The following WDFY4 variants were observed in gnomAD, a reference collection of about 807,000 sequenced individuals.
WDFY4 encodes WDFY family member 4.
A neutral mutation model predicts 351.9 loss-of-function variants in WDFY4; 169 were observed. The ratio of observed to expected loss-of-function variants is 0.48; its 90% CI spans 0.42 to 0.55. WDFY4 has a LOEUF of 0.55. WDFY4 is among the 20% of genes least tolerant of loss of function. The pLI, the probability that WDFY4 is intolerant of heterozygous loss-of-function variation, is 0.00. For missense variants in WDFY4, 3,803 were observed against 3,935.6 expected, an observed-to-expected ratio of 0.97 and a Z score of 0.90; for synonymous variants, 1,622 against 1,574.6, an observed-to-expected ratio of 1.03 and a Z score of -0.71.
chr10:48,941,493 G>A (rs929830257), intron 47 of WDFY4, among the ~76,000 whole-genome samples: 2 of 152,202 alleles, frequency 1.3e-5, no homozygotes, highest in Non-Finnish European at 2.9e-5. Context: ...GGGGAATTCT[G>A]TGTGGGTTGT....
intron 39 of WDFY4, among the ~76,000 whole-genome samples, chr10:48,863,018 A>G (rs962174855): frequency 2.0e-5 from 3 of 152,098 alleles, no homozygotes; most frequent in Non-Finnish European, 2.9e-5. Flanking sequence ...ATGTTATAAC[A>G]TGTGTCAATA....
At chr10:48,816,672 G>A (rs1459590928) in intron 31 of WDFY4, among the ~76,000 whole-genome samples, 1 of 152,110 alleles carries the variant, frequency 6.6e-6, no homozygotes, top group Non-Finnish European at 1.5e-5. Context: ...CAAACAAAAG[G>A]AATCACATGC....
At chr10:48,913,052 G>C (rs1370761612) in intron 47 of WDFY4, among the ~76,000 whole-genome samples, 1 of 152,334 alleles carries the variant, frequency 6.6e-6, no homozygotes, top group East Asian at 1.9e-4. Flanking sequence ...GCCAGTGATA[G>C]TGAGTGTGTG....
At chr10:48,782,852 A>T (rs1389716985) in intron 19 of WDFY4, among the ~76,000 whole-genome samples, 2 of 152,204 alleles carry the variant, frequency 1.3e-5, no homozygotes, top group African/African-American at 4.8e-5. Context: ...GACATTAGAC[A>T]TTTATTAGGC....
intron 44 of WDFY4, among the ~76,000 whole-genome samples, chr10:48,893,927 T>C (rs938047496): frequency 6.6e-6 from 1 of 152,226 alleles, no homozygotes; most frequent in African/African-American, 2.4e-5. Flanking sequence ...CTCTGAACTA[T>C]GGTAATGGCT....
chr10:48,761,661 C>T (rs1181871856), intron 13 of WDFY4, among the ~76,000 whole-genome samples: 1 of 152,112 alleles, frequency 6.6e-6, no homozygotes, highest in African/African-American at 2.4e-5. Flanking sequence ...CATGGAGTAA[C>T]AGAACAAGAC....
At chr10:48,821,421 C>T (rs1416469720) in intron 34 of WDFY4, among the ~76,000 whole-genome samples, 1 of 152,216 alleles carries the variant, frequency 6.6e-6, no homozygotes, top group African/African-American at 2.4e-5. Flanking sequence ...AGCCCTTTTG[C>T]CTCTAAGCAA....
At chr10:48,727,040 C>T (rs1464546109) in intron 6 of WDFY4, among the ~76,000 whole-genome samples, 1 of 152,214 alleles carries the variant, frequency 6.6e-6, no homozygotes, top group Non-Finnish European at 1.5e-5. Flanking sequence ...TCTTCAGTAT[C>T]CAAAGCACCC....
chr10:48,870,121 G>A (rs967360495), intron 40 of WDFY4, among the ~76,000 whole-genome samples: 2 of 152,182 alleles, frequency 1.3e-5, no homozygotes, highest in Admixed American at 6.5e-5. Flanking sequence ...TAGAGACTTG[G>A]GTGAAGTGTT....
intron 12 of WDFY4, among the ~76,000 whole-genome samples, chr10:48,759,942 G>A (rs994082289): frequency 6.6e-6 from 1 of 152,150 alleles, no homozygotes; most frequent in Non-Finnish European, 1.5e-5. Context: ...AGAGCTGAGT[G>A]TGCTTACACC....
rs1403920634 is a variant in WDFY4, at chr10:48,975,010, G to T, written c.9077G>T (p.Gly3026Val). 6.4e-7 allele frequency: 1 copy of T among 1,551,674 alleles called. No homozygotes were observed. Among genetic ancestry groups the T allele is most frequent in the Non-Finnish European group, 8.7e-7 (1 of 1,147,008 alleles). Residue 3026 changes from glycine to valine, a missense_variant, in exon 58 of 62, where the codon GGC (glycine) becomes GTC (valine). Gly to Val is a moderately radical substitution (Grantham distance 109). Transcript: ENST00000325239. ...ACCCGCCTGCCCGCCCATCGGGAAG[G>T]CATCTCAGCCATCACCATCAGTGAC... ...HVTRLPAHRE[G>V]ISAITISDVS...
chr10:48,892,277 A>G (rs1836847496), intron 44 of WDFY4, among the ~76,000 whole-genome samples: 1 of 152,236 alleles, frequency 6.6e-6, no homozygotes, highest in Non-Finnish European at 1.5e-5. Flanking sequence ...TGTGTTTATG[A>G]GGTGTACCTA....
Position 48,852,759 on chromosome 10 carries a change from A to T in WDFY4, c.6664-14506A>T, listed in dbSNP as rs187794656. Among the ~76,000 whole-genome samples the T allele has an allele frequency of 4.6e-5, 7 of 151,984 alleles. No homozygotes were observed. The East Asian group carries it at 1.2e-3, about 25-fold the overall frequency. ...CTGAACAGCCTCTCCCGTCCTCATC[A>T]CTCAACTCAGCCGCTTCATGGGCTG... is the stretch of plus-strand genomic sequence containing the variant. On this transcript the variant is annotated intron_variant, in intron 39 of 61. Transcript: ENST00000325239.
intron 47 of WDFY4, among the ~76,000 whole-genome samples, chr10:48,926,810 CAT>C (rs1404218143): frequency 3.3e-5 from 5 of 152,198 alleles, no homozygotes; most frequent in Non-Finnish European, 7.3e-5. Flanking sequence ...ATGGGGCACA[CAT>C]AATGCCACGA....
Position 48,953,566 on chromosome 10 carries a change from A to G in WDFY4, c.7978-3563A>G, listed in dbSNP as rs1841444206. ...TGGCTAAAGACAGCAGGTTAGATCA[A>G]CTGATATATCAACAGGGTCCTGTAA... On this transcript the variant is annotated intron_variant, in intron 51 of 61. Transcript: ENST00000325239. Among the ~76,000 whole-genome samples, 3 of 152,208 alleles carry G rather than the reference A, an allele frequency of 2.0e-5. No homozygotes were observed. In the South Asian group the frequency reaches 6.2e-4, roughly 32 times the overall value.
rs577494410 is a variant in WDFY4 at position 48,906,338 on chromosome 10, G to A, written c.7586+4475G>A. ...AGAGCTTTTGGTACCAGAGTTTGCT[G>A]AGGCTTTCAGTGACAATGGTTGCCT... is the stretch of plus-strand genomic sequence containing the variant. On this transcript the variant is annotated intron_variant, in intron 47 of 61. Transcript: ENST00000325239. Among the ~76,000 whole-genome samples the A allele has an allele frequency of 2.6e-5, 4 of 152,106 alleles. No individual in the cohort carries two copies. The South Asian group carries it at 6.2e-4, about 24-fold the overall frequency.
At chr10:48,832,454 T>C in intron 38 of WDFY4, 119 bp from the exon 39 acceptor site, 1 of 1,240,972 alleles carries the variant, frequency 8.1e-7, no homozygotes, top group Non-Finnish European at 1.1e-6. Flanking sequence ...TTGTTTCTCT[T>C]TTTGGAGGCA....
chr10:48,906,075 CT>C (rs1172406878), intron 47 of WDFY4, among the ~76,000 whole-genome samples: 4 of 152,144 alleles, frequency 2.6e-5, no homozygotes, highest in African/African-American at 7.2e-5. Context: ...GATGATTTTT[CT>C]TTTGGATCAC....
chr10:48,736,043 G>A lies in WDFY4; in HGVS notation c.1851G>A (p.Glu617=). ...CTCTATGCTCATCCACTCAAGGGGA[G>A]CTGCAGCTGAAACTGGATCTCCTGA... ...VGALCSSTQG[E]LQLKLDLLKS... Residue 617 remains glutamate (E), a synonymous_variant, in exon 11 of 62, where the codon GAG becomes GAA. Coordinates refer to ENST00000325239, the MANE Select transcript of WDFY4 (RefSeq NM_001394531.1). 6.4e-7 allele frequency: 1 copy of A among 1,551,822 alleles called. No homozygotes were observed. The highest frequency in any genetic ancestry group is 8.7e-7 in the Non-Finnish European group (1 of 1,147,012).
Sources: allele counts gnomAD v4.1 joint callset (sites outside exome capture counted in the v4.1 genomes callset), GRCh38; gene constraint gnomAD v4.1.1; transcripts MANE v1.5; gene names NCBI Gene and HGNC (gene_info 2026-07-23, HGNC 2026-07-21).